The following BICD1 variants were observed in gnomAD, a reference collection of about 807,000 sequenced individuals.
BICD1 encodes protein bicaudal D homolog 1.
In BICD1, 35 loss-of-function variants were observed where a neutral mutation model predicts 92.5. The observed-to-expected ratio is 0.38, with a 90% CI of 0.29 to 0.50. The LOEUF is 0.50. Ranked by LOEUF, BICD1 falls within the 20% of genes least tolerant of loss-of-function variation. The pLI is 0.93. For missense variants in BICD1, 950 were observed against 1,189.8 expected (o/e 0.80, Z 2.97); for synonymous variants, 429 against 465.1 (o/e 0.92, Z 1.00).
chr12:32,348,982 T>C (rs1366947274), intron 8 of BICD1, among the ~76,000 whole-genome samples: 1 of 152,054 alleles, frequency 6.6e-6, no homozygotes, highest in Non-Finnish European at 1.5e-5. Context: ...GAATAGCCCG[T>C]ATTCCACCAA....
At chr12:32,107,988 C>T (rs767353535) in intron 1 of BICD1, 11 of 416,600 alleles carry the variant, frequency 2.6e-5, no homozygotes, top group African/African-American at 6.0e-5. Flanking sequence ...CAGCTTTCCT[C>T]TGGATGTAAC....
chr12:32,258,681 G>C (rs1053962508), intron 2 of BICD1, among the ~76,000 whole-genome samples: 1 of 152,138 alleles, frequency 6.6e-6, no homozygotes, highest in African/African-American at 2.4e-5. Context: ...CATAGGACAG[G>C]GGGCCCTTCC....
intron 1 of BICD1, among the ~76,000 whole-genome samples, chr12:32,206,930 A>G (rs983275861): frequency 6.6e-6 from 1 of 152,248 alleles, no homozygotes; most frequent in Non-Finnish European, 1.5e-5. Flanking sequence ...GTGCATATGG[A>G]AGGATTTCAT....
At chr12:32,359,232 C>T (rs1939229829) in intron 8 of BICD1, among the ~76,000 whole-genome samples, 1 of 152,188 alleles carries the variant, frequency 6.6e-6, no homozygotes, top group Admixed American at 6.5e-5. Flanking sequence ...TGACTGTTTA[C>T]TCCAAGTTTA....
intron 2 of BICD1, among the ~76,000 whole-genome samples, chr12:32,253,972 A>T (rs35150110): frequency 2.8e-5 from 4 of 144,466 alleles, no homozygotes; most frequent in African/African-American, 8.3e-5. Context: ...ACCTGTCATA[A>T]TCACTGCCGT....
intron 2 of BICD1, among the ~76,000 whole-genome samples, chr12:32,278,862 A>G (rs1947343639): frequency 9.2e-6 from 1 of 108,442 alleles, no homozygotes; most frequent in Admixed American, 9.2e-5. Context: ...TCTCAAAGAA[A>G]TAAAATAAAT....
chr12:32,210,333 A>G (rs1045092326), intron 1 of BICD1, among the ~76,000 whole-genome samples: 3 of 152,212 alleles, frequency 2.0e-5, no homozygotes, highest in African/African-American at 7.2e-5. Context: ...TTTTGAGATG[A>G]AAGAACGAAA....
At chr12:32,361,172 T>C (rs1660494799) in intron 8 of BICD1, among the ~76,000 whole-genome samples, 1 of 152,196 alleles carries the variant, frequency 6.6e-6, no homozygotes, top group African/African-American at 2.4e-5. Flanking sequence ...TTTCCTTTCT[T>C]ATCACCTCAT....
Position 32,322,398 on chromosome 12 carries a change from G to C in BICD1, c.1006-5063G>C, listed in dbSNP as rs61929083. ...GACAATTTTTCCACAGATAGGGTGC[G>C]GGTGGTCTGGGGCCATTAGATCTCA... On this transcript the variant is annotated intron_variant, in intron 4 of 9. Coordinates refer to ENST00000652176, the MANE Select transcript of BICD1 (RefSeq NM_001714.4). Among the ~76,000 whole-genome samples the C allele has an allele frequency of 3.8e-3, 581 of 152,230 alleles. 6 individuals are homozygous for C. Among genetic ancestry groups the C allele is most frequent in the Non-Finnish European group, 6.3e-3 (427 of 68,008 alleles).
chr12:32,188,796 T>TGGCTCACTGCAACCTC (rs1944487942), intron 1 of BICD1, among the ~76,000 whole-genome samples: 1 of 151,984 alleles, frequency 6.6e-6, no homozygotes, highest in Non-Finnish European at 1.5e-5. Context: ...GGTGCAATCT[T>TGGCTCACTGCAACCTC]GGCTCACTGC....
intron 4 of BICD1, among the ~76,000 whole-genome samples, chr12:32,308,465 G>C (rs1948289646): frequency 6.6e-6 from 1 of 152,208 alleles, no homozygotes; most frequent in Admixed American, 6.5e-5. Context: ...GTTATATGCA[G>C]AGTGCTGAGA....
intron 1 of BICD1, among the ~76,000 whole-genome samples, chr12:32,129,524 CAAAAAAAAA>C (rs756293470): frequency 1.2e-5 from 1 of 82,672 alleles, no homozygotes; most frequent in Admixed American, 1.5e-4. Context: ...GATTCCATCT[CAAAAAAAAA>C]AAAAAAAAAA....
At chr12:32,274,000 T>A (rs6488041) in intron 2 of BICD1, among the ~76,000 whole-genome samples, 30,531 of 152,092 alleles carry the variant, frequency 0.2, 3,963 homozygotes, top group African/African-American at 0.37. Flanking sequence ...TGGGCATTAT[T>A]CAGAGAGAAT....
chr12:32,252,455 A>G (rs1005314641), intron 2 of BICD1, among the ~76,000 whole-genome samples: 19 of 152,038 alleles, frequency 1.2e-4, no homozygotes, highest in African/African-American at 4.6e-4. Flanking sequence ...GCCAGATTCA[A>G]TCAGAGGTCA....
At chr12:32,214,483 C>T (rs1002008380) in intron 1 of BICD1, among the ~76,000 whole-genome samples, 1 of 152,168 alleles carries the variant, frequency 6.6e-6, no homozygotes, top group African/African-American at 2.4e-5. Context: ...ATTAATACTT[C>T]CACTTACAAT....
In BICD1 at chr12:32,327,367, G is replaced by A. The variant is rs1460173094; in HGVS notation, c.1006-94G>A. ...GTGGGAACATTGGCTCTGCTGCAGT[G>A]ATTTTAAGTGTATACATGCCCGACT... On this transcript the variant is annotated intron_variant, in intron 4 of 9. Coordinates refer to ENST00000652176, the MANE Select transcript of BICD1 (RefSeq NM_001714.4). 3.5e-6 allele frequency: 5 copies of A among 1,424,224 alleles called. No individual in the cohort carries two copies. In the African/African-American group the frequency reaches 4.3e-5, roughly 12 times the overall value. The allele number at this position is 1,424,224 out of a possible 1,614,324, so 88.2% of individuals were successfully genotyped here. A position where few individuals can be genotyped will look rare whatever the true frequency, so the allele number is the denominator to read the frequency against.
In BICD1 at chr12:32,119,692, C is replaced by T. The variant is rs535899273; in HGVS notation, c.213+12148C>T. Among the ~76,000 whole-genome samples the T allele has an allele frequency of 5.3e-5, 8 of 152,190 alleles. No individual in the cohort carries two copies. In the South Asian group the frequency reaches 1.5e-3, roughly 28 times the overall value. On this transcript the variant is annotated intron_variant, in intron 1 of 9. Transcript: ENST00000652176. ...TTTGAGACCAGCCTGACCAACGTGG[C>T]GAAACCCCATCTCTATTAAAAATAC...
At chr12:32,261,059 C>A (rs754028768) in intron 2 of BICD1, among the ~76,000 whole-genome samples, 5 of 152,188 alleles carry the variant, frequency 3.3e-5, no homozygotes, top group Non-Finnish European at 7.3e-5. Flanking sequence ...GAAAGTGAGT[C>A]CTGTTGTACA....
At chr12:32,332,541 T>A in intron 5 of BICD1, 1 of 737,410 alleles carries the variant, frequency 1.4e-6, no homozygotes, top group Non-Finnish European at 1.7e-6. Context: ...CAAAGAAGAC[T>A]AACACATGGT....
Sources: gnomAD v4.1 joint callset for allele counts (sites outside exome capture counted in the v4.1 genomes callset) on GRCh38, gnomAD v4.1.1 for gene constraint, MANE v1.5 for transcripts, NCBI Gene and HGNC (gene_info 2026-07-23, HGNC 2026-07-21) for gene names.